The following COPG2 variants were observed in gnomAD, a reference collection of about 807,000 sequenced individuals.
The protein encoded by COPG2 is coatomer subunit gamma-2.
A neutral mutation model predicts 46.3 loss-of-function variants in COPG2; 37 were observed. That is an observed-to-expected ratio of 0.80 (90% confidence interval 0.61 to 1.05). The LOEUF (loss-of-function observed/expected upper bound fraction) is 1.05. Among genes scored for constraint, COPG2 ranks in the 50% least tolerant of loss-of-function variants. COPG2 has a pLI of 0.00. For missense variants in COPG2, 427 were observed against 387.8 expected, an observed-to-expected ratio of 1.10 and a Z score of -0.85; for synonymous variants, 159 against 129.7, an observed-to-expected ratio of 1.23 and a Z score of -1.53.
chr7:130,594,223 C>T (rs1334502209), intron 9 of COPG2, among the ~76,000 whole-genome samples: 2 of 152,048 alleles, frequency 1.3e-5, no homozygotes, highest in Admixed American at 6.6e-5. Context: ...AAATTAAAAT[C>T]ACAATTCTTT....
chr7:130,638,500 C>T lies in COPG2; in HGVS notation c.323+14369G>A, dbSNP rs369644832. 3.3e-5 allele frequency among the ~76,000 whole-genome samples: 5 copies of T among 152,168 alleles called. No individual in the cohort carries two copies. In the East Asian group the frequency reaches 9.6e-4, roughly 29 times the overall value. On this transcript the variant is annotated intron_variant, in intron 5 of 23. Transcript: ENST00000425248. ...TGCAGTGGGTTCCGCCCAGTTCAAA[C>T]TTCTGGGCACCTTTGTTTATACTGT...
chr7:130,538,652 G>A (rs1281396648), intron 20 of COPG2, among the ~76,000 whole-genome samples: 1 of 137,656 alleles, frequency 7.3e-6, no homozygotes, highest in Non-Finnish European at 1.5e-5. Context: ...TGCATGGAAC[G>A]TACTGGCAGG....
chr7:130,561,651 T>C (rs1793723527), intron 11 of COPG2, among the ~76,000 whole-genome samples: 2 of 152,314 alleles, frequency 1.3e-5, no homozygotes, highest in Middle Eastern at 3.4e-3. Flanking sequence ...AACTGCATTA[T>C]CTATGGTTAC....
intron 9 of COPG2, chr7:130,610,533 T>C: frequency 1.9e-6 from 1 of 520,400 alleles, no homozygotes; most frequent in Non-Finnish European, 3.8e-6. Context: ...TTCGAAAGAC[T>C]GCTAAAGTAT....
chr7:130,586,312 G>C (rs1197320408), intron 9 of COPG2, among the ~76,000 whole-genome samples: 1 of 151,974 alleles, frequency 6.6e-6, no homozygotes, highest in Non-Finnish European at 1.5e-5. Flanking sequence ...TTTGGGACTT[G>C]GGGGGAGAGT....
In COPG2 at chr7:130,606,038, G is replaced by C. The variant is rs116403273; in HGVS notation, c.737+4915C>G. The stretch of plus-strand genomic sequence containing the variant: ...GATGGAGGAAGCCTAGTTTTGAAGA[G>C]ACTTATAAGAAATCTGATCTTAAAT... On this transcript the variant is annotated intron_variant, in intron 9 of 23. Coordinates refer to ENST00000425248, the MANE Select transcript of COPG2 (RefSeq NM_012133.6). Among the ~76,000 whole-genome samples the C allele has an allele frequency of 3.5e-3, 533 of 152,146 alleles. 6 individuals carry two copies. Among genetic ancestry groups the C allele is most frequent in the African/African-American group, 0.012 (508 of 41,496 alleles).
At chr7:130,602,322 C>T (rs2116483156) in intron 9 of COPG2, among the ~76,000 whole-genome samples, 1 of 152,166 alleles carries the variant, frequency 6.6e-6, no homozygotes, top group East Asian at 1.9e-4. Flanking sequence ...GAAAGCTTTA[C>T]ATTCAATTTA....
intron 20 of COPG2, among the ~76,000 whole-genome samples, chr7:130,534,058 T>C (rs1032194967): frequency 9.9e-5 from 15 of 151,888 alleles, no homozygotes; most frequent in Admixed American, 5.9e-4. Context: ...AACAAAGAAT[T>C]CCCAAAATGG....
intron 5 of COPG2, among the ~76,000 whole-genome samples, chr7:130,647,341 G>A (rs1554458455): frequency 6.6e-6 from 1 of 151,982 alleles, no homozygotes. Flanking sequence ...CTGGCCTCAG[G>A]TAGTATCTTT....
chr7:130,528,926 T>C lies in COPG2; in HGVS notation c.2149+18748A>G, dbSNP rs1247705739. Among the ~76,000 whole-genome samples the C allele has an allele frequency of 4.0e-5, 6 of 151,596 alleles. No homozygotes were observed. The East Asian group carries it at 1.2e-3, about 29-fold the overall frequency. ...GCAGTTCATGGATGACAAAGCATAG[T>C]GTGGGTAAGATAAGCAAGGAATGAA... On this transcript the variant is annotated intron_variant, in intron 20 of 23. Coordinates refer to ENST00000425248, the MANE Select transcript of COPG2 (RefSeq NM_012133.6).
At chr7:130,668,575 G>C in intron 1 of COPG2, 57 bp downstream of exon 1, 1 of 1,454,260 alleles carries the variant, frequency 6.9e-7, no homozygotes. Context: ...AGGTGGCGGC[G>C]GGCGGGGGAA....
intron 5 of COPG2, among the ~76,000 whole-genome samples, chr7:130,625,492 C>T (rs1192565785): frequency 6.6e-6 from 1 of 151,618 alleles, no homozygotes; most frequent in Non-Finnish European, 1.5e-5. Flanking sequence ...GTGGAAATGC[C>T]TCTAGTGTTT....
Position 130,643,511 on chromosome 7 carries a change from A to G in COPG2, c.323+9358T>C, listed in dbSNP as rs529125375. ...TAACTTTGTTTATATGGGGATTAAG[A>G]TAGTTGCTCTGATGTTGGTTTGAGA... is the stretch of plus-strand genomic sequence containing the variant. On this transcript the variant is annotated intron_variant, in intron 5 of 23. Transcript: ENST00000425248. Among the ~76,000 whole-genome samples the G allele has an allele frequency of 4.7e-4, 72 of 152,258 alleles. 1 individual carries two copies. The highest frequency in any genetic ancestry group is 1.6e-3 in the African/African-American group (68 of 41,542).
chr7:130,548,788 G>C (rs1793486270), intron 18 of COPG2, among the ~76,000 whole-genome samples: 1 of 151,980 alleles, frequency 6.6e-6, no homozygotes, highest in Non-Finnish European at 1.5e-5. Context: ...CGTGGTGGCA[G>C]GCGCCTGTAG....
chr7:130,643,808 C>A (rs534707748), intron 5 of COPG2, among the ~76,000 whole-genome samples: 178 of 152,070 alleles, frequency 1.2e-3, no homozygotes, highest in African/African-American at 3.6e-3. Context: ...TTAAAAAAAA[C>A]ACACACACAA....
intron 9 of COPG2, among the ~76,000 whole-genome samples, chr7:130,567,124 T>C (rs1237872947): frequency 1.3e-5 from 2 of 152,206 alleles, no homozygotes; most frequent in Non-Finnish European, 2.9e-5. Flanking sequence ...GCCATTATCC[T>C]AAGCAAATTA....
intron 20 of COPG2, among the ~76,000 whole-genome samples, chr7:130,513,586 G>A (rs541177271): frequency 6.6e-6 from 1 of 151,804 alleles, no homozygotes; most frequent in African/African-American, 2.4e-5. Flanking sequence ...ATGAGGAAGT[G>A]CCATCTGGGA....
chr7:130,523,291 C>A (rs1799741385), intron 20 of COPG2, among the ~76,000 whole-genome samples: 1 of 151,590 alleles, frequency 6.6e-6, no homozygotes, highest in Non-Finnish European at 1.5e-5. Flanking sequence ...GCAGGCCTAT[C>A]CAATCATCTG....
intron 9 of COPG2, among the ~76,000 whole-genome samples, chr7:130,603,598 G>A (rs969962254): frequency 6.6e-6 from 1 of 151,980 alleles, no homozygotes; most frequent in East Asian, 1.9e-4. Flanking sequence ...GTGCGTGCCT[G>A]CAATCTCAGC....
Sources: allele counts gnomAD v4.1 joint callset (sites outside exome capture counted in the v4.1 genomes callset), GRCh38; gene constraint gnomAD v4.1.1; transcripts MANE v1.5; gene names NCBI Gene and HGNC (gene_info 2026-07-23, HGNC 2026-07-21).